PFKFB3: variants seen among roughly 807,000 people sequenced by gnomAD.
PFKFB3 encodes 6-phosphofructo-2-kinase/fructose-2,6-biphosphatase 3.
A neutral mutation model predicts 68.0 loss-of-function variants in PFKFB3; 33 were observed. That is an observed-to-expected ratio of 0.49 (90% CI 0.37 to 0.65). The LOEUF (loss-of-function observed/expected upper bound fraction) is 0.65. PFKFB3 is among the 30% of genes least tolerant of loss of function. The pLI, the probability that PFKFB3 is intolerant of heterozygous loss-of-function variation, is 0.00. For missense variants in PFKFB3, 586 were observed against 712.2 expected, an observed-to-expected ratio of 0.82 and a Z score of 2.02; for synonymous variants, 315 against 288.2, an observed-to-expected ratio of 1.09 and a Z score of -0.94.
At chr10:6,217,732 T>C (rs1400033081) in intron 6 of PFKFB3, among the ~76,000 whole-genome samples, 1 of 152,186 alleles carries the variant, frequency 6.6e-6, no homozygotes, top group Non-Finnish European at 1.5e-5. Context: ...TTGAGGGCAC[T>C]TGGCATCATA....
chr10:6,188,802 A>G (rs1049966586), intron 1 of PFKFB3, among the ~76,000 whole-genome samples: 1 of 147,560 alleles, frequency 6.8e-6, no homozygotes, highest in Non-Finnish European at 1.5e-5. Flanking sequence ...CCTCTGGTGT[A>G]GCTCTGACGG....
At chr10:6,302,384 T>G in the PFKFB3 span, among the ~76,000 whole-genome samples, 552 of 126,864 alleles carry the variant, frequency 4.4e-3, 52 homozygotes, top group East Asian at 0.025. Flanking sequence ...TTTTTTTTTT[T>G]TTTTTTTTTT....
the PFKFB3 span, among the ~76,000 whole-genome samples, chr10:6,311,710 C>T: frequency 3.3e-5 from 5 of 152,002 alleles, no homozygotes; most frequent in African/African-American, 9.7e-5. Context: ...GATTGCACCA[C>T]TGCACGTCAG....
At chr10:6,292,351 C>T in the PFKFB3 span, among the ~76,000 whole-genome samples, 7,843 of 129,266 alleles carry the variant, frequency 0.061, 720 homozygotes, top group East Asian at 0.43. Context: ...GTGGCGCAAT[C>T]TCGGCTCACT....
the PFKFB3 span, among the ~76,000 whole-genome samples, chr10:6,292,468 G>T: frequency 4.0e-5 from 6 of 150,470 alleles, no homozygotes; most frequent in Non-Finnish European, 7.4e-5. Context: ...TGTATTTTTA[G>T]TAGAGACAGG....
At chr10:6,209,829 A>G (rs143467273) in intron 1 of PFKFB3, among the ~76,000 whole-genome samples, 4,907 of 135,400 alleles carry the variant, frequency 0.036, 141 homozygotes, top group South Asian at 0.14. Context: ...CAGTGGCGTG[A>G]CCTTGGCTCA....
chr10:6,231,305 A>T, intron 14 of PFKFB3: 1 of 1,612,090 alleles, frequency 6.2e-7, no homozygotes. Flanking sequence ...CTCCTTACTA[A>T]CTGTGGAAGG....
chr10:6,203,516 C>T (rs1843479120), intron 1 of PFKFB3, among the ~76,000 whole-genome samples, 180 bp downstream of exon 1: 2 of 150,566 alleles, frequency 1.3e-5, no homozygotes, highest in South Asian at 4.1e-4. Flanking sequence ...CGCTGTGGCC[C>T]TTGTCCCGGT....
chr10:6,291,493 A>T, the PFKFB3 span, among the ~76,000 whole-genome samples: 4 of 151,132 alleles, frequency 2.6e-5, no homozygotes, highest in Non-Finnish European at 4.4e-5. Flanking sequence ...CAGAGGTTGC[A>T]TTGAGCAGAG....
chr10:6,189,161 A>G (rs1421600346), intron 1 of PFKFB3, among the ~76,000 whole-genome samples: 2 of 152,050 alleles, frequency 1.3e-5, no homozygotes, highest in African/African-American at 4.8e-5. Flanking sequence ...TTTAAGGCTA[A>G]TATTCAATTG....
At chr10:6,245,424 C>CTAT (rs1846234698) in intron 14 of PFKFB3, among the ~76,000 whole-genome samples, 2 of 46,054 alleles carry the variant, frequency 4.3e-5, no homozygotes, top group African/African-American at 1.7e-4. Context: ...ATTATTATTA[C>CTAT]TATTATTTTT....
rs181875316 is a variant in PFKFB3, at chr10:6,155,489, C to A, written c.16+10476C>A. On this transcript the variant is annotated intron_variant, in intron 1 of 14. Transcript: ENST00000379789. Reference sequence around the variant, plus strand: ...AAAGTGCTGGGATTACAGGCGTGAGCCACCGCACCTGGCCGAGTTTTTTCA... The same window carrying A: ...AAAGTGCTGGGATTACAGGCGTGAGACACCGCACCTGGCCGAGTTTTTTCA... Among the ~76,000 whole-genome samples, 1,081 of 152,260 alleles carry A rather than the reference C, an allele frequency of 7.1e-3. 14 individuals are homozygous for A. The highest frequency in any genetic ancestry group is 0.025 in the African/African-American group (1,040 of 41,552).
chr10:6,277,973 G>A, the PFKFB3 span, among the ~76,000 whole-genome samples: 2 of 151,432 alleles, frequency 1.3e-5, no homozygotes, highest in Non-Finnish European at 2.9e-5. Context: ...CTGGAGTGCA[G>A]TGGCACCATC....
chr10:6,220,721 C>T lies in PFKFB3; in HGVS notation c.687C>T (p.Asp229=), dbSNP rs1163577603. 5.0e-6 allele frequency: 8 copies of T among 1,613,970 alleles called. No individual in the cohort carries two copies. Among genetic ancestry groups the T allele is most frequent in the Non-Finnish European group, 6.8e-6 (8 of 1,180,046 alleles). ...GGTTCCTGGTGAACCGGGTGCAGGA[C>T]CACATCCAGAGCCGCATCGTGTACT... ...GRRFLVNRVQ[D]HIQSRIVYYL... is the part of the protein sequence containing the mutation. Residue 229 remains aspartate, a synonymous_variant, in exon 8 of 15, where the codon GAC becomes GAT. Coordinates refer to ENST00000379775, the MANE Select transcript of PFKFB3 (RefSeq NM_004566.4). This position sits in a 1 kb window ranked among gnomAD's most constrained non-coding sequence, Gnocchi z 4.1.
At chr10:6,193,465 C>T (rs1843086622) in intron 1 of PFKFB3, among the ~76,000 whole-genome samples, 3 of 152,232 alleles carry the variant, frequency 2.0e-5, no homozygotes. Context: ...AACACCTTCT[C>T]CATGTCGGAC....
chr10:6,280,918 C>T, the PFKFB3 span, among the ~76,000 whole-genome samples: 1 of 151,622 alleles, frequency 6.6e-6, no homozygotes, highest in Non-Finnish European at 1.5e-5. Context: ...GCAGTATACA[C>T]TGAACCCAAT....
chr10:6,290,377 C>T, the PFKFB3 span, among the ~76,000 whole-genome samples: 1 of 151,918 alleles, frequency 6.6e-6, no homozygotes, highest in Non-Finnish European at 1.5e-5. Flanking sequence ...GAGATATGTC[C>T]CATCAATACC....
At chr10:6,293,721 C>A in the PFKFB3 span, 1 of 326,296 alleles carries the variant, frequency 3.1e-6, no homozygotes, top group South Asian at 3.6e-5. Flanking sequence ...ATTCAAAGGG[C>A]CTGTCATGAA....
the PFKFB3 span, among the ~76,000 whole-genome samples, chr10:6,263,042 T>C: frequency 5.1e-4 from 78 of 152,026 alleles, no homozygotes; most frequent in African/African-American, 1.8e-3. Context: ...CACAGAAATA[T>C]AGAGGTGTGA....
Sources: allele counts gnomAD v4.1 joint callset (sites outside exome capture counted in the v4.1 genomes callset), GRCh38; gene constraint gnomAD v4.1.1; non-coding constraint Gnocchi (gnomAD v3.1); transcripts MANE v1.5; gene names NCBI Gene and HGNC (gene_info 2026-07-23, HGNC 2026-07-21).